The following ZMAT4 variants were observed in gnomAD, a reference collection of about 807,000 sequenced individuals.
ZMAT4 encodes zinc finger matrin-type 4, also known as zinc finger matrin-type protein 4.
Under a neutral mutation model 28.7 loss-of-function variants are expected in ZMAT4, and 17 were observed. That is an observed-to-expected ratio of 0.59 (90% CI 0.41 to 0.89). The LOEUF is 0.89. Among genes scored for constraint, ZMAT4 ranks in the 40% least tolerant of loss-of-function variants. The pLI is 0.00. For synonymous variants in ZMAT4, 117 were observed against 109.2 expected (o/e 1.07, Z -0.44); for missense variants, 240 against 283.8 (o/e 0.85, Z 1.11).
intron 5 of ZMAT4, among the ~76,000 whole-genome samples, chr8:40,622,519 T>G (rs1221139291): frequency 2.0e-5 from 3 of 152,246 alleles, no homozygotes; most frequent in African/African-American, 7.2e-5. Context: ...TTTCTGGGTT[T>G]TATGTTTCAT....
At chr8:40,726,509 A>C (rs1046792541) in intron 3 of ZMAT4, among the ~76,000 whole-genome samples, 1 of 152,180 alleles carries the variant, frequency 6.6e-6, no homozygotes, top group Admixed American at 6.5e-5. Context: ...TGCAAGAAAA[A>C]GGAGGGAAAG....
chr8:40,692,461 T>C (rs1809703376), intron 4 of ZMAT4, among the ~76,000 whole-genome samples: 1 of 152,154 alleles, frequency 6.6e-6, no homozygotes, highest in Non-Finnish European at 1.5e-5. Flanking sequence ...TAGATTAGAC[T>C]CTCCTGTAAT....
chr8:40,854,041 G>A (rs1258111007), intron 1 of ZMAT4, among the ~76,000 whole-genome samples: 1 of 152,108 alleles, frequency 6.6e-6, no homozygotes, highest in African/African-American at 2.4e-5. Context: ...CAGAGAAGGA[G>A]CAAGACAGAG....
chr8:40,833,106 C>T (rs536978019), intron 1 of ZMAT4, among the ~76,000 whole-genome samples: 3 of 152,292 alleles, frequency 2.0e-5, no homozygotes, highest in Non-Finnish European at 4.4e-5. Context: ...GTGATCATCT[C>T]TGCCATGCCT....
Position 40,532,172 on chromosome 8 carries a change from A to G in ZMAT4, c.*51T>C, listed in dbSNP as rs1563328345. On this transcript the variant is annotated 3_prime_UTR_variant, in exon 7 of 7. Coordinates refer to ENST00000297737, the MANE Select transcript of ZMAT4 (RefSeq NM_024645.3). Reference sequence around the variant, plus strand: ...TCTGGTGGTTGATAAGCAATTCTCCACGGCAGAGAAATGCTAATGTTTTGT... The same window carrying G: ...TCTGGTGGTTGATAAGCAATTCTCCGCGGCAGAGAAATGCTAATGTTTTGT... 1.3e-6 allele frequency: 2 copies of G among 1,534,588 alleles called. No homozygotes were observed. The highest frequency in any genetic ancestry group is 8.8e-7 in the Non-Finnish European group (1 of 1,136,416).
At chr8:40,781,875 G>A (rs1378960603) in intron 2 of ZMAT4, among the ~76,000 whole-genome samples, 3 of 151,342 alleles carry the variant, frequency 2.0e-5, no homozygotes, top group African/African-American at 4.9e-5. Context: ...AAATAATGAT[G>A]GGACAATTAA....
intron 3 of ZMAT4, among the ~76,000 whole-genome samples, chr8:40,724,714 T>C (rs1811251132): frequency 6.6e-6 from 1 of 152,160 alleles, no homozygotes; most frequent in South Asian, 2.1e-4. Flanking sequence ...ACTGGGGCCT[T>C]CACAGAGGAA....
At chr8:40,669,929 GA>G (rs1436219813) in intron 5 of ZMAT4, among the ~76,000 whole-genome samples, 1 of 152,080 alleles carries the variant, frequency 6.6e-6, no homozygotes, top group Admixed American at 6.5e-5. Context: ...AGAGATAGAG[GA>G]TGTTCATGGA....
intron 1 of ZMAT4, among the ~76,000 whole-genome samples, chr8:40,846,276 T>G (rs938288201): frequency 6.6e-6 from 1 of 152,200 alleles, no homozygotes; most frequent in Admixed American, 6.5e-5. Context: ...CATTCCACCA[T>G]GGCCCCTATC....
At chr8:40,764,186 C>G (rs1813050247) in intron 3 of ZMAT4, among the ~76,000 whole-genome samples, 1 of 152,118 alleles carries the variant, frequency 6.6e-6, no homozygotes, top group African/African-American at 2.4e-5. Flanking sequence ...GAAAATTTCT[C>G]TAAGGCAATT....
chr8:40,862,341 A>T (rs185892981), intron 1 of ZMAT4, among the ~76,000 whole-genome samples: 288 of 140,916 alleles, frequency 2.0e-3, no homozygotes, highest in African/African-American at 7.2e-3. Context: ...AACACCGCAT[A>T]TTCTCACTCA....
intron 3 of ZMAT4, among the ~76,000 whole-genome samples, chr8:40,766,692 C>T (rs1312289789): frequency 3.9e-5 from 6 of 152,248 alleles, no homozygotes; most frequent in Non-Finnish European, 8.8e-5. Flanking sequence ...TTGTTAAAAA[C>T]ACCAGCCTTG....
At chr8:40,559,998 C>T (rs190221471) in intron 6 of ZMAT4, among the ~76,000 whole-genome samples, 11 of 152,128 alleles carry the variant, frequency 7.2e-5, no homozygotes, top group Non-Finnish European at 1.0e-4. Context: ...GGCAAAGACT[C>T]CATGTCAGGT....
intron 1 of ZMAT4, among the ~76,000 whole-genome samples, chr8:40,849,941 C>A (rs1433665780): frequency 2.9e-5 from 4 of 138,330 alleles, no homozygotes; most frequent in Non-Finnish European, 6.4e-5. Context: ...CAACCATTCA[C>A]CCCGCTGCTC....
chr8:40,551,884 C>T (rs1803378944), intron 6 of ZMAT4, among the ~76,000 whole-genome samples: 1 of 152,130 alleles, frequency 6.6e-6, no homozygotes, highest in African/African-American at 2.4e-5. Context: ...CAGTGAGACA[C>T]ATAAGCTCCC....
At chr8:40,657,770 G>A (rs1378137908) in intron 5 of ZMAT4, among the ~76,000 whole-genome samples, 1 of 152,212 alleles carries the variant, frequency 6.6e-6, no homozygotes, top group South Asian at 2.1e-4. Flanking sequence ...CTTGCTGTAG[G>A]GCTTTCGCTT....
chr8:40,894,263 G>A (rs1441005401), intron 1 of ZMAT4, among the ~76,000 whole-genome samples: 1 of 152,218 alleles, frequency 6.6e-6, no homozygotes, highest in African/African-American at 2.4e-5. Context: ...AGGTGCTCTG[G>A]TGAGGTCTGC....
At chr8:40,580,408 C>G (rs1036060138) in intron 6 of ZMAT4, among the ~76,000 whole-genome samples, 2 of 152,140 alleles carry the variant, frequency 1.3e-5, no homozygotes, top group Admixed American at 6.6e-5. Flanking sequence ...TTCATGAGGT[C>G]TTGATACAGT....
At chr8:40,860,744 G>T (rs1211525331) in intron 1 of ZMAT4, among the ~76,000 whole-genome samples, 1 of 152,188 alleles carries the variant, frequency 6.6e-6, no homozygotes, top group African/African-American at 2.4e-5. Context: ...GCGACCCCTT[G>T]TCTGTTTGAA....
Sources: allele counts gnomAD v4.1 joint callset (sites outside exome capture counted in the v4.1 genomes callset), GRCh38; gene constraint gnomAD v4.1.1; transcripts MANE v1.5; gene names NCBI Gene and HGNC (gene_info 2026-07-23, HGNC 2026-07-21).